The following TCF25 variants were observed in gnomAD, a reference collection of about 807,000 sequenced individuals.
TCF25 encodes the protein ribosome quality control complex subunit TCF25.
In TCF25, 41 loss-of-function variants were observed where a neutral mutation model predicts 83.1. The ratio of observed to expected loss-of-function variants is 0.49; its 90% CI spans 0.38 to 0.64. TCF25 has a LOEUF of 0.64. Among genes scored for constraint, TCF25 ranks in the 30% least tolerant of loss-of-function variants. The probability of loss-of-function intolerance (pLI) is 0.00; values close to 1 mark genes in which losing one functional copy is unlikely to be tolerated. For missense variants in TCF25, 979 were observed against 914.5 expected, an observed-to-expected ratio of 1.07 and a Z score of -0.91; for synonymous variants, 458 against 365.0, an observed-to-expected ratio of 1.25 and a Z score of -2.90.
chr16:89,906,491 C>T (rs2044796133), intron 15 of TCF25, among the ~76,000 whole-genome samples: 1 of 152,098 alleles, frequency 6.6e-6, no homozygotes, highest in Non-Finnish European at 1.5e-5. Context: ...GAGAGAAATC[C>T]TTTGGGGCTC....
At chr16:89,877,101 C>A (rs1026775540) in intron 1 of TCF25, among the ~76,000 whole-genome samples, 5 of 142,532 alleles carry the variant, frequency 3.5e-5, no homozygotes, top group African/African-American at 1.5e-4. Flanking sequence ...GACTCTGTCT[C>A]AAAAAAATAA....
At chr16:89,905,478 G>C (rs1453042558) in intron 14 of TCF25, among the ~76,000 whole-genome samples, 1 of 152,224 alleles carries the variant, frequency 6.6e-6, no homozygotes, top group African/African-American at 2.4e-5. Flanking sequence ...ACACTTCGGA[G>C]GCTCATGCCC....
chr16:89,900,941 A>G (rs949519763), intron 12 of TCF25, 147 bp downstream of exon 12: 66 of 941,704 alleles, frequency 7.0e-5, no homozygotes, highest in Middle Eastern at 7.5e-4. Context: ...AACCTGCCCT[A>G]CCAAACCTGA....
intron 14 of TCF25, among the ~76,000 whole-genome samples, chr16:89,905,450 CTCCTG>C (rs1364337058): frequency 2.6e-5 from 4 of 152,340 alleles, no homozygotes; most frequent in East Asian, 1.9e-4. Context: ...GAGAAAGAGT[CTCCTG>C]TCCTGTGTGT....
intron 1 of TCF25, among the ~76,000 whole-genome samples, chr16:89,879,117 G>A (rs1308748735): frequency 2.0e-5 from 3 of 151,164 alleles, no homozygotes; most frequent in African/African-American, 7.3e-5. Context: ...CGTGTTGTCC[G>A]TGTACACAGA....
chr16:89,891,861 G>A (rs1184639018), intron 5 of TCF25, among the ~76,000 whole-genome samples: 1 of 152,102 alleles, frequency 6.6e-6, no homozygotes, highest in Admixed American at 6.6e-5. Flanking sequence ...GTAGAAATGG[G>A]GTTTTGCTGT....
In TCF25 at chr16:89,873,621, C is replaced by T; in HGVS notation, c.-47C>T. On this transcript the variant is annotated 5_prime_UTR_variant, in exon 1 of 18. Transcript: ENST00000263346. ...GCAGGCGCGCCGACAGCCGAGTTTT[C>T]TGCGCTTCCTTCTCCCTCTCTCCAG... 1 of 1,449,280 alleles carries T rather than the reference C, an allele frequency of 6.9e-7. No individual in the cohort carries two copies. The highest frequency in any genetic ancestry group is 1.4e-5 in the South Asian group (1 of 71,314). 89.8% of individuals were successfully genotyped at this position (1,449,280 alleles called of 1,614,324 possible). A position where few individuals can be genotyped will look rare whatever the true frequency, so the allele number is the denominator to read the frequency against.
intron 1 of TCF25, among the ~76,000 whole-genome samples, chr16:89,877,109 T>TA (rs199679991): frequency 7.3e-6 from 1 of 136,606 alleles, no homozygotes; most frequent in Non-Finnish European, 1.5e-5. Context: ...CTCAAAAAAA[T>TA]AAATAAATAA....
intron 15 of TCF25, 55 bp from the exon 16 acceptor site, chr16:89,907,188 G>A (rs2044864567): frequency 6.4e-7 from 1 of 1,570,672 alleles, no homozygotes; most frequent in Admixed American, 1.7e-5. Flanking sequence ...GCTGGGAGAG[G>A]TAGAGGCCCC....
chr16:89,908,360 T>C (rs899347119), intron 16 of TCF25, among the ~76,000 whole-genome samples: 169 of 61,222 alleles, frequency 2.8e-3, no homozygotes, highest in Middle Eastern at 0.014. Flanking sequence ...CCAGCTCCCA[T>C]CTTCCAGCTC....
In TCF25 at chr16:89,911,212, G is replaced by A. The variant is rs780545993; in HGVS notation, c.2005G>A (p.Ala669Thr). ...CCTGGAGGCGCCGCACGAGGACGAC[G>A]CTGAGGGGGAGGGGGAGTGGGACTG... Reference protein sequence around the residue: ...NDLEAPHEDDAEGEGEWD With the variant: ...NDLEAPHEDDTEGEGEWD Residue 669 changes from alanine to threonine, a missense_variant, in exon 18 of 18, where the codon GCT becomes ACT. Coordinates refer to ENST00000263346, the MANE Select transcript of TCF25 (RefSeq NM_014972.3). The A allele has an allele frequency of 1.6e-5, 26 of 1,612,494 alleles. 1 individual carries two copies. Among genetic ancestry groups the A allele is most frequent in the South Asian group, 2.2e-5 (2 of 91,050 alleles).
intron 3 of TCF25, among the ~76,000 whole-genome samples, chr16:89,885,029 C>G (rs2042892214): frequency 7.7e-6 from 1 of 129,304 alleles, no homozygotes; most frequent in African/African-American, 3.0e-5. Context: ...GACGCCCTCT[C>G]CCTCTGCCTG....
Position 89,911,168 on chromosome 16 carries a change from C to T in TCF25, c.1961C>T (p.Ala654Val), listed in dbSNP as rs1224032395. 6.2e-7 allele frequency: 1 copy of T among 1,612,298 alleles called. No homozygotes were observed. Among genetic ancestry groups the T allele is most frequent in the African/African-American group, 1.3e-5 (1 of 75,030 alleles). ...ATGCTGGCTGTGCGCGACATGATGG[C>T]CAACTTCCACCTCAACGACCTGGAG... ...RLMLAVRDMM[A>V]NFHLNDLEAP... Residue 654 changes from alanine to valine, a missense_variant, in exon 18 of 18, where the codon GCC becomes GTC. By Grantham distance (64) the Ala-to-Val change is moderately conservative (BLOSUM62 0). Transcript: ENST00000263346.
chr16:89,904,810 C>T (rs754169017), intron 13 of TCF25, 128 bp from the exon 14 acceptor site: 37 of 1,167,364 alleles, frequency 3.2e-5, no homozygotes, highest in Non-Finnish European at 4.6e-5. Flanking sequence ...AGCCCAGGGG[C>T]CTCCTTTCAC....
intron 12 of TCF25, among the ~76,000 whole-genome samples, chr16:89,901,473 C>T (rs886941393): frequency 1.9e-4 from 28 of 145,392 alleles, no homozygotes; most frequent in Non-Finnish European, 3.0e-4. Context: ...CGGCCGGGCG[C>T]GGTGGCTCAC....
rs569750447 is a variant in TCF25 at position 89,873,928 on chromosome 16, G to C, written c.192+69G>C. The C allele has an allele frequency of 3.5e-6, 5 of 1,443,226 alleles. No individual in the cohort carries two copies. In the Admixed American group the frequency reaches 7.6e-5, roughly 22 times the overall value. The allele number at this position is 1,443,226 out of a possible 1,614,324, so 89.4% of individuals were successfully genotyped here. A position where few individuals can be genotyped will look rare whatever the true frequency, so the allele number is the denominator to read the frequency against. Reference sequence around the variant, plus strand: ...CGTTGTGGGGCGGGGCGAGCGTCCAGCCGGGTCGGGGAGCGGGGTTGTGAT... The same window carrying C: ...CGTTGTGGGGCGGGGCGAGCGTCCACCCGGGTCGGGGAGCGGGGTTGTGAT... On this transcript the variant is annotated intron_variant, in intron 1 of 17. Transcript: ENST00000263346.
intron 6 of TCF25, 59 bp downstream of exon 6, chr16:89,892,334 G>T: frequency 6.5e-7 from 1 of 1,545,632 alleles, no homozygotes. Context: ...CTGTGCACTG[G>T]CCCCGGTACA....
chr16:89,901,025 C>A (rs537489094), intron 12 of TCF25: 36 of 451,778 alleles, frequency 8.0e-5, no homozygotes, highest in African/African-American at 6.3e-4. Flanking sequence ...TCCCGACCCC[C>A]GTGGGGCCTG....
chr16:89,878,434 ATTTTTTTTTTT>A (rs34120033), intron 1 of TCF25: 6 of 1,006,194 alleles, frequency 6.0e-6, no homozygotes, highest in African/African-American at 2.2e-5. Flanking sequence ...AAAAATCACC[ATTTTTTTTTTT>A]TTTTTTTTTT....
Sources: gnomAD v4.1 joint callset for allele counts (sites outside exome capture counted in the v4.1 genomes callset) on GRCh38, gnomAD v4.1.1 for gene constraint, MANE v1.5 for transcripts, NCBI Gene and HGNC (gene_info 2026-07-23, HGNC 2026-07-21) for gene names.